Variants in SNTG2 observed in about 807,000 individuals in gnomAD.
SNTG2 encodes the protein syntrophin gamma 2.
SNTG2 carries 74 observed loss-of-function variants against 70.9 expected under a neutral mutation model. The observed-to-expected ratio is 1.04, with a 90% confidence interval of 0.86 to 1.27. The LOEUF (loss-of-function observed/expected upper bound fraction) is 1.27. Ranked by LOEUF, SNTG2 falls within the 50% of genes most tolerant of loss-of-function variation. SNTG2 has a pLI of 0.00. For missense variants in SNTG2, 717 were observed against 690.7 expected, an observed-to-expected ratio of 1.04 and a Z score of -0.43; for synonymous variants, 278 against 273.8, an observed-to-expected ratio of 1.02 and a Z score of -0.15.
intron 1 of SNTG2, among the ~76,000 whole-genome samples, chr2:996,673 G>GTTTTTTTTTT: frequency 0.067 from 2,346 of 35,032 alleles, 530 homozygotes; most frequent in Non-Finnish European, 0.092. Flanking sequence ...GAGTTACCCA[G>GTTTTTTTTTT]TTTTTTTTTT....
chr2:959,818 A>G (rs1264393150), intron 1 of SNTG2, among the ~76,000 whole-genome samples: 2 of 151,296 alleles, frequency 1.3e-5, no homozygotes, highest in African/African-American at 2.4e-5. Flanking sequence ...TATTCCTTTG[A>G]TGTTTGTATG....
intron 6 of SNTG2, among the ~76,000 whole-genome samples, chr2:1,157,346 G>T (rs1013787366): frequency 6.6e-6 from 1 of 152,022 alleles, no homozygotes; most frequent in South Asian, 2.1e-4. Context: ...CGGCTTGTGC[G>T]CTGAATGCAC....
At chr2:1,227,819 A>G (rs1675894134) in intron 9 of SNTG2, among the ~76,000 whole-genome samples, 1 of 152,182 alleles carries the variant, frequency 6.6e-6, no homozygotes, top group South Asian at 2.1e-4. Context: ...TTCTGCTCAT[A>G]CTGGTGCCGC....
Position 1,258,611 on chromosome 2 carries a change from C to G in SNTG2, c.1006-759C>G, listed in dbSNP as rs554065610. 1.1e-4 allele frequency among the ~76,000 whole-genome samples: 16 copies of G among 152,236 alleles called. No homozygotes were observed. The South Asian group carries it at 2.9e-3, about 28-fold the overall frequency. Reference sequence around the variant, plus strand: ...TGTTTCAAAGACATAATTCCGTGCACTTTGGATTATTTTTACTGGCTGAAG... The same window carrying G: ...TGTTTCAAAGACATAATTCCGTGCAGTTTGGATTATTTTTACTGGCTGAAG... On this transcript the variant is annotated intron_variant, in intron 12 of 16. Transcript: ENST00000308624.
chr2:1,232,748 T>C (rs371608397), intron 9 of SNTG2, among the ~76,000 whole-genome samples: 10 of 152,322 alleles, frequency 6.6e-5, no homozygotes, highest in African/African-American at 2.4e-4. Context: ...TAAAAAATAA[T>C]ATACTACAGA....
chr2:1,234,246 C>T (rs1003213613), intron 9 of SNTG2, among the ~76,000 whole-genome samples: 5 of 152,178 alleles, frequency 3.3e-5, no homozygotes, highest in Admixed American at 2.0e-4. Flanking sequence ...GCGTGACTTA[C>T]ACTAGTTACC....
intron 1 of SNTG2, among the ~76,000 whole-genome samples, chr2:1,054,614 G>A (rs966718858): frequency 6.6e-6 from 1 of 152,104 alleles, no homozygotes; most frequent in African/African-American, 2.4e-5. Flanking sequence ...TGGTGATTCT[G>A]GGACCCCCTG....
chr2:1,172,049 A>G (rs562933075), intron 7 of SNTG2, among the ~76,000 whole-genome samples: 3 of 152,228 alleles, frequency 2.0e-5, no homozygotes, highest in South Asian at 2.1e-4. Context: ...TGTGTCCACC[A>G]GGCTTTCTTC....
chr2:1,178,894 G>T (rs567788254), intron 8 of SNTG2, among the ~76,000 whole-genome samples: 1 of 152,158 alleles, frequency 6.6e-6, no homozygotes, highest in Non-Finnish European at 1.5e-5. Context: ...GCTCCTCCTT[G>T]TACCTCTGGT....
chr2:1,134,348 C>T (rs1352299286), intron 4 of SNTG2, among the ~76,000 whole-genome samples: 2 of 152,002 alleles, frequency 1.3e-5, no homozygotes, highest in Non-Finnish European at 2.9e-5. Context: ...TACATAGAGC[C>T]GAGTGGTCTG....
chr2:1,070,454 T>C (rs1663457424), intron 1 of SNTG2, among the ~76,000 whole-genome samples: 3 of 152,280 alleles, frequency 2.0e-5, no homozygotes, highest in South Asian at 4.2e-4. Flanking sequence ...GGAATAATGC[T>C]CATGAGCTTC....
At chr2:1,077,692 AAC>A (rs1202638378) in intron 1 of SNTG2, among the ~76,000 whole-genome samples, 2 of 152,098 alleles carry the variant, frequency 1.3e-5, no homozygotes, top group African/African-American at 4.8e-5. Context: ...CCCGCACACA[AAC>A]ACACACACAC....
intron 9 of SNTG2, among the ~76,000 whole-genome samples, chr2:1,220,304 G>A (rs926450236): frequency 2.0e-5 from 3 of 152,254 alleles, no homozygotes; most frequent in Non-Finnish European, 4.4e-5. Flanking sequence ...CGTGGGCTGT[G>A]TCAGCAGTGT....
chr2:1,365,197 C>G lies in SNTG2; in HGVS notation c.1489-2146C>G, dbSNP rs185850624. Among the ~76,000 whole-genome samples the G allele has an allele frequency of 3.3e-5, 5 of 152,202 alleles. No individual in the cohort carries two copies. The East Asian group carries it at 7.8e-4, about 24-fold the overall frequency. ...ATCCAGCTTGAATTAAAGTTTAACACAAGGGCTGGGCAGGCCCTGGGTTCC... is the reference window on the plus strand; with the variant it reads ...ATCCAGCTTGAATTAAAGTTTAACAGAAGGGCTGGGCAGGCCCTGGGTTCC... On this transcript the variant is annotated intron_variant, in intron 16 of 16. Transcript: ENST00000308624.
chr2:1,279,299 G>A (rs1679422490), intron 14 of SNTG2, among the ~76,000 whole-genome samples: 2 of 152,252 alleles, frequency 1.3e-5, no homozygotes, highest in Admixed American at 6.5e-5. Flanking sequence ...TGCAAGAGCA[G>A]TGATGCTGGT....
intron 1 of SNTG2, among the ~76,000 whole-genome samples, chr2:1,046,871 T>A (rs956227380): frequency 6.6e-6 from 1 of 152,130 alleles, no homozygotes; most frequent in African/African-American, 2.4e-5. Context: ...CTCTCAGGGG[T>A]CCTCTGAATT....
chr2:1,014,497 G>T, intron 1 of SNTG2, among the ~76,000 whole-genome samples: 1 of 88,260 alleles, frequency 1.1e-5, no homozygotes, highest in Non-Finnish European at 2.6e-5. Flanking sequence ...AGGGTGGTCT[G>T]GAGAGGGATT....
chr2:1,138,438 C>T (rs1010865895), intron 6 of SNTG2, among the ~76,000 whole-genome samples: 4 of 152,178 alleles, frequency 2.6e-5, no homozygotes, highest in East Asian at 1.9e-4. Flanking sequence ...AGAGAGAAGC[C>T]GAGTGCAGCC....
intron 1 of SNTG2, among the ~76,000 whole-genome samples, chr2:982,166 C>T (rs1661125152): frequency 6.6e-6 from 1 of 152,166 alleles, no homozygotes; most frequent in African/African-American, 2.4e-5. Context: ...AAGTCACTCA[C>T]CTGTGTTGGC....
Sources: gnomAD v4.1 joint callset for allele counts (sites outside exome capture counted in the v4.1 genomes callset) on GRCh38, gnomAD v4.1.1 for gene constraint, MANE v1.5 for transcripts, NCBI Gene and HGNC (gene_info 2026-07-23, HGNC 2026-07-21) for gene names.